SPOCK1: variants seen among roughly 807,000 people sequenced by gnomAD.
The protein encoded by SPOCK1 is testican-1.
A neutral mutation model predicts 55.3 loss-of-function variants in SPOCK1; 23 were observed. That is an observed-to-expected ratio of 0.42 (90% confidence interval 0.30 to 0.59). SPOCK1 has a LOEUF of 0.59. Among genes scored for constraint, SPOCK1 ranks in the 20% least tolerant of loss-of-function variants. The probability of loss-of-function intolerance (pLI) is 0.22; values close to 1 mark genes in which losing one functional copy is unlikely to be tolerated. For missense variants in SPOCK1, 499 were observed against 552.5 expected (o/e 0.90, Z 0.97); for synonymous variants, 226 against 221.0 (o/e 1.02, Z -0.20).
At chr5:137,028,032 A>G (rs1751709467) in intron 6 of SPOCK1, among the ~76,000 whole-genome samples, 1 of 152,042 alleles carries the variant, frequency 6.6e-6, no homozygotes, top group South Asian at 2.1e-4. Flanking sequence ...CCCCCCTCCA[A>G]ACTGGTATAA....
intron 2 of SPOCK1, among the ~76,000 whole-genome samples, chr5:137,315,351 C>A (rs1037700131): frequency 2.0e-5 from 3 of 152,180 alleles, no homozygotes; most frequent in Admixed American, 2.0e-4. Flanking sequence ...GATCTGTCTT[C>A]AACTCTGAAC....
chr5:137,191,886 C>T (rs550535627), intron 3 of SPOCK1, among the ~76,000 whole-genome samples: 75 of 152,160 alleles, frequency 4.9e-4, no homozygotes, highest in African/African-American at 1.5e-3. Context: ...TCTGTCCTTG[C>T]GGAAAAGATA....
At chr5:137,368,336 T>C (rs1314896547) in intron 2 of SPOCK1, among the ~76,000 whole-genome samples, 6 of 152,156 alleles carry the variant, frequency 3.9e-5, no homozygotes, top group African/African-American at 1.4e-4. Context: ...CAATGACAAC[T>C]GGACCATGCC....
chr5:137,014,679 C>A (rs769524050), intron 6 of SPOCK1, among the ~76,000 whole-genome samples: 1 of 152,198 alleles, frequency 6.6e-6, no homozygotes, highest in Non-Finnish European at 1.5e-5. Context: ...CTGAGCTTAT[C>A]ACCCATAATG....
chr5:137,025,153 T>A (rs1302457979), intron 6 of SPOCK1, among the ~76,000 whole-genome samples: 1 of 152,174 alleles, frequency 6.6e-6, no homozygotes, highest in Non-Finnish European at 1.5e-5. Flanking sequence ...TCAATTAAGT[T>A]AAGATGAATA....
chr5:137,118,029 T>C (rs1753620833), intron 4 of SPOCK1, among the ~76,000 whole-genome samples: 1 of 152,232 alleles, frequency 6.6e-6, no homozygotes, highest in Admixed American at 6.5e-5. Context: ...ACATGCAGCC[T>C]AGAGCAAAAA....
chr5:137,126,393 A>G (rs1753783190), intron 4 of SPOCK1, among the ~76,000 whole-genome samples: 1 of 152,224 alleles, frequency 6.6e-6, no homozygotes. Context: ...GTGTTCCTTC[A>G]TAGCAACACA....
intron 2 of SPOCK1, among the ~76,000 whole-genome samples, chr5:137,288,589 C>T (rs952770556): frequency 2.0e-5 from 3 of 152,210 alleles, no homozygotes; most frequent in Non-Finnish European, 4.4e-5. Flanking sequence ...AATCAAATCG[C>T]TAGCCTCTCC....
At chr5:137,065,592 T>A (rs918796448) in intron 6 of SPOCK1, among the ~76,000 whole-genome samples, 5 of 152,208 alleles carry the variant, frequency 3.3e-5, no homozygotes, top group African/African-American at 1.2e-4. Context: ...CAAAAATAAT[T>A]ATATTGGACT....
At chr5:137,310,190 A>G (rs1484813228) in intron 2 of SPOCK1, among the ~76,000 whole-genome samples, 1 of 152,226 alleles carries the variant, frequency 6.6e-6, no homozygotes, top group Non-Finnish European at 1.5e-5. Context: ...AAGGAGTCTT[A>G]AAAGGATTAA....
intron 5 of SPOCK1, among the ~76,000 whole-genome samples, chr5:137,108,969 G>A (rs927801114): frequency 1.1e-4 from 17 of 152,146 alleles, no homozygotes; most frequent in African/African-American, 1.7e-4. Flanking sequence ...GCTATTTCCC[G>A]GGCAACTGAC....
chr5:137,020,535 A>C (rs771307799), intron 6 of SPOCK1, among the ~76,000 whole-genome samples: 17 of 152,092 alleles, frequency 1.1e-4, no homozygotes, highest in Non-Finnish European at 2.4e-4. Flanking sequence ...GTAGGAAAGG[A>C]TTTTTAAAGA....
At chr5:137,082,326 A>G (rs1206649089) in intron 5 of SPOCK1, among the ~76,000 whole-genome samples, 1 of 152,226 alleles carries the variant, frequency 6.6e-6, no homozygotes, top group African/African-American at 2.4e-5. Flanking sequence ...TAGAACCAGG[A>G]GGCCAGCCCA....
intron 2 of SPOCK1, among the ~76,000 whole-genome samples, chr5:137,460,972 G>A (rs1182714261): frequency 6.6e-6 from 1 of 152,128 alleles, no homozygotes; most frequent in African/African-American, 2.4e-5. Flanking sequence ...GTGCCCCCAA[G>A]GAGGCATATC....
intron 9 of SPOCK1, among the ~76,000 whole-genome samples, chr5:136,979,824 A>C (rs954802479): frequency 6.6e-6 from 1 of 152,212 alleles, no homozygotes; most frequent in South Asian, 2.1e-4. Context: ...TACCATCATT[A>C]CCTTTTAATA....
rs267600350 is a variant in SPOCK1 at position 136,988,576 on chromosome 5, C to T, written c.774G>A (p.Met258Ile). Reference sequence around the variant, plus strand: ...AAGGGTCAAGCAGGAGGTCATAGTTCATGTCCAACTTGTTGAACATCCAGC... The same window carrying T: ...AAGGGTCAAGCAGGAGGTCATAGTTTATGTCCAACTTGTTGAACATCCAGC... ...SLGWMFNKLD[M>I]NYDLLLDPSE... The change falls in exon 8 of 11, where the codon ATG becomes ATA. Residue 258 changes from methionine to isoleucine, a missense_variant. This residue lies in a region of SPOCK1 where 386 missense variants were observed against 400.6 expected (regional missense o/e 0.96). Coordinates refer to ENST00000394945, the MANE Select transcript of SPOCK1 (RefSeq NM_004598.4). The T allele has an allele frequency of 6.2e-7, 1 of 1,614,118 alleles. No individual in the cohort carries two copies. Among genetic ancestry groups the T allele is most frequent in the Non-Finnish European group, 8.5e-7 (1 of 1,179,984 alleles).
rs191324400 is a variant in SPOCK1, at chr5:137,384,249, T to C, written c.186+114124A>G. 5.2e-4 allele frequency among the ~76,000 whole-genome samples: 79 copies of C among 152,340 alleles called. 1 individual carries two copies. Among genetic ancestry groups the C allele is most frequent in the African/African-American group, 1.7e-3 (71 of 41,580 alleles). On this transcript the variant is annotated intron_variant, in intron 2 of 10. Coordinates refer to ENST00000394945, the MANE Select transcript of SPOCK1 (RefSeq NM_004598.4). ...AAGGCCTCTGAGGAATAAGCACAAA[T>C]GCTCACTTAGAATTGACAAGCAGAG... is the stretch of plus-strand genomic sequence containing the variant.
intron 2 of SPOCK1, among the ~76,000 whole-genome samples, chr5:137,482,402 T>C (rs1223639785): frequency 1.3e-5 from 2 of 152,162 alleles, no homozygotes; most frequent in Non-Finnish European, 2.9e-5. Context: ...TTATGGACCA[T>C]GTCCCCTTTC....
At chr5:137,003,489 A>C (rs1162434623) in intron 6 of SPOCK1, among the ~76,000 whole-genome samples, 3 of 152,220 alleles carry the variant, frequency 2.0e-5, no homozygotes, top group Non-Finnish European at 4.4e-5. Flanking sequence ...ATATATATGC[A>C]TATATACATC....
Sources: allele counts gnomAD v4.1 joint callset (sites outside exome capture counted in the v4.1 genomes callset), GRCh38; gene constraint gnomAD v4.1.1; regional missense constraint gnomAD v4.1.1; transcripts MANE v1.5; gene names NCBI Gene and HGNC (gene_info 2026-07-23, HGNC 2026-07-21).